MCAT: variants seen among roughly 807,000 people sequenced by gnomAD.
MCAT encodes malonyl-CoA-acyl carrier protein transacylase, mitochondrial.
A neutral mutation model predicts 22.9 loss-of-function variants in MCAT; 22 were observed. The observed-to-expected ratio is 0.96, with a 90% CI of 0.69 to 1.37. The LOEUF (loss-of-function observed/expected upper bound fraction) is 1.37, where lower values mean the gene tolerates loss of function less well. MCAT is among the 40% of genes most tolerant of loss of function. The pLI is 0.00. For synonymous variants in MCAT, 240 were observed against 233.9 expected (o/e 1.03, Z -0.24); for missense variants, 534 against 533.6 (o/e 1.00, Z -0.01).
At position 43,132,915 on chromosome 22, in the gene MCAT, G is replaced by T; in HGVS notation, c.*128C>A. The T allele has an allele frequency of 1.2e-6, 1 of 800,576 alleles. No individual in the cohort carries two copies. Among genetic ancestry groups the T allele is most frequent in the Non-Finnish European group, 2.0e-6 (1 of 499,838 alleles). The allele number at this position is 800,576 out of a possible 1,614,324, so 49.6% of individuals were successfully genotyped here. On this transcript the variant is annotated 3_prime_UTR_variant, in exon 4 of 4. Transcript: ENST00000290429. ...TAGGGCTTTTTATGTGGCCTTCAAAGCACGTTGCAAACAAATCCCTTTCAC... is the reference window on the plus strand; with the variant it reads ...TAGGGCTTTTTATGTGGCCTTCAAATCACGTTGCAAACAAATCCCTTTCAC...
Position 43,143,371 on chromosome 22 carries a change from G to A in MCAT, c.-23C>T, listed in dbSNP as rs747780455. On this transcript the variant is annotated 5_prime_UTR_variant, in exon 1 of 4. In the 5' UTR this introduces an upstream ATG that the reference lacks. Transcript: ENST00000290429. ...CATGGTCGGACACCTGCCCGCGCGC[G>A]TTACCGTGGCGACCGAGGCCCGACT... 2.1e-5 allele frequency: 28 copies of A among 1,346,212 alleles called. No individual in the cohort carries two copies. In the South Asian group the frequency reaches 5.2e-4, roughly 25 times the overall value. The allele number at this position is 1,346,212 out of a possible 1,614,324, so 83.4% of individuals were successfully genotyped here. A position where few individuals can be genotyped will look rare whatever the true frequency, so the allele number is the denominator to read the frequency against.
chr22:43,139,425 CTG>C (rs1930707980), intron 2 of MCAT, among the ~76,000 whole-genome samples: 2 of 152,096 alleles, frequency 1.3e-5, no homozygotes, highest in Non-Finnish European at 2.9e-5. Context: ...AGTCTGGAGA[CTG>C]AAGCGGGAGG....
chr22:43,137,252 T>G lies in MCAT; in HGVS notation c.558A>C (p.Ser186=). 1 of 1,614,186 alleles carries G rather than the reference T, an allele frequency of 6.2e-7. No homozygotes were observed. Among genetic ancestry groups the G allele is most frequent in the African/African-American group, 1.3e-5 (1 of 75,064 alleles). The change falls in exon 3 of 4, where the codon TCA becomes TCC. Residue 186 remains serine (S), a synonymous_variant. Transcript: ENST00000290429. The part of the protein sequence containing the change: ...KIRAEAMQEA[S]EAVPSGMLSV... ...ACAGCATCCCACTGGGGACAGCTTCTGAAGCTTCCTGCATGGCCTCAGCTC... is the reference window on the plus strand; with the variant it reads ...ACAGCATCCCACTGGGGACAGCTTCGGAAGCTTCCTGCATGGCCTCAGCTC...
In MCAT at chr22:43,143,295, G is replaced by A. The variant is rs1263309394; in HGVS notation, c.54C>T (p.Tyr18=). The A allele has an allele frequency of 7.7e-6, 11 of 1,430,548 alleles. No homozygotes were observed. Among genetic ancestry groups the A allele is most frequent in the Non-Finnish European group, 9.1e-6 (10 of 1,103,930 alleles). The allele number at this position is 1,430,548 out of a possible 1,614,324, so 88.6% of individuals were successfully genotyped here. The change falls in exon 1 of 4, where the codon TAC becomes TAT. Residue 18 remains tyrosine (Y), a synonymous_variant. Coordinates refer to ENST00000290429, the MANE Select transcript of MCAT (RefSeq NM_173467.5). The part of the protein sequence containing the change: ...VAWVRGLGAS[Y]RRGASSFPVP... Reference sequence around the variant, plus strand: ...CCGGGAAGCTCGAGGCGCCGCGGCGGTAGCTGGCGCCCAAGCCCCTGACCC... The same window carrying A: ...CCGGGAAGCTCGAGGCGCCGCGGCGATAGCTGGCGCCCAAGCCCCTGACCC...
chr22:43,143,273 G>A lies in MCAT; in HGVS notation c.76C>T (p.Pro26Ser), dbSNP rs75935643. The A allele has an allele frequency of 1.3e-3, 1,837 of 1,439,254 alleles. 33 individuals are homozygous for A. The African/African-American group carries it at 0.025, about 19-fold the overall frequency. The allele number at this position is 1,439,254 out of a possible 1,614,324, so 89.2% of individuals were successfully genotyped here. Residue 26 changes from proline (P) to serine (S), a missense_variant, in exon 1 of 4, where the codon CCG becomes TCG. Pro to Ser is a moderately conservative substitution (Grantham distance 74, BLOSUM62 -1). Transcript: ENST00000290429. The part of the protein sequence containing the change: ...ASYRRGASSF[P>S]VPPPGAQGVA... The stretch of plus-strand genomic sequence containing the variant: ...CCCTGGGCGCCCGGCGGAGGCACCG[G>A]GAAGCTCGAGGCGCCGCGGCGGTAG...
rs1230645445 is a variant in MCAT at position 43,143,361 on chromosome 22, G to T, written c.-13C>A. 8 of 1,354,534 alleles carry T rather than the reference G, an allele frequency of 5.9e-6. No individual in the cohort carries two copies. In the South Asian group the frequency reaches 1.1e-4, roughly 18 times the overall value. The allele number at this position is 1,354,534 out of a possible 1,614,324, so 83.9% of individuals were successfully genotyped here. A position where few individuals can be genotyped will look rare whatever the true frequency, so the allele number is the denominator to read the frequency against. ...CCCGGACGCTCATGGTCGGACACCT[G>T]CCCGCGCGCGTTACCGTGGCGACCG... On this transcript the variant is annotated 5_prime_UTR_variant, in exon 1 of 4. Transcript: ENST00000290429.
intron 3 of MCAT, among the ~76,000 whole-genome samples, chr22:43,135,145 G>A (rs1236338003): frequency 6.6e-6 from 1 of 152,238 alleles, no homozygotes; most frequent in Non-Finnish European, 1.5e-5. Flanking sequence ...TGTTGGAAAG[G>A]GGCTTCCCCC....
At chr22:43,135,510 C>CA (rs1300123609) in intron 3 of MCAT, among the ~76,000 whole-genome samples, 32,576 of 76,228 alleles carry the variant, frequency 0.43, 4,702 homozygotes, top group South Asian at 0.52. Context: ...TCTCAAAAAA[C>CA]AAAAAAAAAA....
In MCAT at chr22:43,142,966, G is replaced by C; in HGVS notation, c.383C>G (p.Ser128Trp). Residue 128 changes from serine to tryptophan, a missense_variant, in exon 1 of 4, where the codon TCG (serine) becomes TGG (tryptophan). Transcript: ENST00000290429. ...VHCQPAIFVA[S>W]LAAVEKLHHL... ...ATGTAGTTTCTCGACAGCGGCCAGC[G>C]ATGCCACGAAGATCGCGGGCTGACA... 1 of 1,595,578 alleles carries C rather than the reference G, an allele frequency of 6.3e-7. No individual in the cohort carries two copies. The highest frequency in any genetic ancestry group is 1.1e-5 in the South Asian group (1 of 89,390).
In MCAT at chr22:43,133,714, C is replaced by T. The variant is rs563083970; in HGVS notation, c.730-228G>A. Among the ~76,000 whole-genome samples, 22 of 152,132 alleles carry T rather than the reference C, an allele frequency of 1.4e-4. 1 individual carries two copies. The South Asian group carries it at 3.9e-3, about 27-fold the overall frequency. On this transcript the variant is annotated intron_variant, in intron 3 of 3. Coordinates refer to ENST00000290429, the MANE Select transcript of MCAT (RefSeq NM_173467.5). ...AAGCACAGTTCCATCTACTTCACAA[C>T]GCTGCCAGGAAGAGCAAACCCTACA... is the stretch of plus-strand genomic sequence containing the variant.
intron 3 of MCAT, among the ~76,000 whole-genome samples, chr22:43,135,363 G>A (rs1930572672): frequency 1.3e-5 from 2 of 152,160 alleles, no homozygotes; most frequent in Non-Finnish European, 2.9e-5. Flanking sequence ...AATTAGCTGG[G>A]TGTGGTGGCA....
chr22:43,140,965 T>TA, intron 2 of MCAT, 197 bp downstream of exon 2: 1 of 584,848 alleles, frequency 1.7e-6, no homozygotes, highest in South Asian at 2.1e-5. Context: ...ATTACAAAAA[T>TA]AAGGGAAATC....
chr22:43,133,596 T>TA, intron 3 of MCAT, 110 bp from the exon 4 acceptor site: 1 of 744,948 alleles, frequency 1.3e-6, no homozygotes, highest in Non-Finnish European at 2.2e-6. Context: ...GACCCACAGC[T>TA]GCTAGATGTG....
In MCAT at chr22:43,133,271, C is replaced by G; in HGVS notation, c.945G>C (p.Leu315=). The G allele has an allele frequency of 6.2e-7, 1 of 1,614,220 alleles. No homozygotes were observed. Among genetic ancestry groups the G allele is most frequent in the Non-Finnish European group, 8.5e-7 (1 of 1,180,046 alleles). ...CTGGGGAGACCAGCTGCTGGGCCAG[C>G]AGCTTGTGGATGTGCCCGGGATGCC... ...RYRHPGHIHK[L]LAQQLVSPVK... The change falls in exon 4 of 4, where the codon CTG becomes CTC. Residue 315 remains leucine, a synonymous_variant. Coordinates refer to ENST00000290429, the MANE Select transcript of MCAT (RefSeq NM_173467.5).
At chr22:43,141,699 G>C (rs971805859) in intron 1 of MCAT, among the ~76,000 whole-genome samples, 8 of 152,124 alleles carry the variant, frequency 5.3e-5, no homozygotes, top group Non-Finnish European at 1.2e-4. Flanking sequence ...AGCCTCCCGA[G>C]TTGCTGGGAT....
intron 3 of MCAT, among the ~76,000 whole-genome samples, chr22:43,135,510 C>CAA (rs1300123609): frequency 0.019 from 1,436 of 76,294 alleles, 36 homozygotes; most frequent in East Asian, 0.043. Flanking sequence ...TCTCAAAAAA[C>CAA]AAAAAAAAAA....
intron 2 of MCAT, chr22:43,140,914 A>C: frequency 2.0e-6 from 1 of 507,102 alleles, no homozygotes; most frequent in South Asian, 2.8e-5. Flanking sequence ...ATGAGTGCAC[A>C]GGATAGCGGG....
rs1569470741 is a variant in MCAT, at chr22:43,133,349, G to A, written c.867C>T (p.Asp289=). ...EPLTQALKAV[D]IKKPLVSVYS... The stretch of plus-strand genomic sequence containing the variant: ...AGACAGAAACCAGAGGCTTCTTAAT[G>A]TCGACTGCCTTTAAAGCTTGCGTCA... Residue 289 remains aspartate, a synonymous_variant, in exon 4 of 4, where the codon GAC becomes GAT. Coordinates refer to ENST00000290429, the MANE Select transcript of MCAT (RefSeq NM_173467.5). 6.2e-7 allele frequency: 1 copy of A among 1,614,044 alleles called. No homozygotes were observed. Among genetic ancestry groups the A allele is most frequent in the Non-Finnish European group, 8.5e-7 (1 of 1,180,036 alleles).
rs956666369 is a variant in MCAT, at chr22:43,133,432, T to A, written c.784A>T (p.Met262Leu). The A allele has an allele frequency of 9.3e-6, 15 of 1,613,852 alleles. No homozygotes were observed. The Admixed American group carries it at 1.2e-4, about 13-fold the overall frequency. Reference sequence around the variant, plus strand: ...TGGAATGCGCCACTAACCGGCAACATCCTGGTGCGTCTGAAATGAAACTTA... The same window carrying A: ...TGGAATGCGCCACTAACCGGCAACAACCTGGTGCGTCTGAAATGAAACTTA... ...SSKFHFRRTRMLPVSGAFHTR... is the reference protein window; with the variant it reads ...SSKFHFRRTRLLPVSGAFHTR... The change falls in exon 4 of 4, where the codon ATG (methionine) becomes TTG (leucine). Residue 262 changes from methionine to leucine, a missense_variant. Physicochemically the swap from Met to Leu is conservative, Grantham distance 15. Transcript: ENST00000290429.
Sources: gnomAD v4.1 joint callset for allele counts (sites outside exome capture counted in the v4.1 genomes callset) on GRCh38, gnomAD v4.1.1 for gene constraint, MANE v1.5 for transcripts, NCBI Gene and HGNC (gene_info 2026-07-23, HGNC 2026-07-21) for gene names.